Variants in SLCO6A1 observed in about 807,000 individuals in gnomAD.
The protein encoded by SLCO6A1 is solute carrier organic anion transporter family member 6A1, also known as cancer/testis antigen 48.
In SLCO6A1, 65 loss-of-function variants were observed where a neutral mutation model predicts 72.7. The ratio of observed to expected loss-of-function variants is 0.89; its 90% CI spans 0.73 to 1.10. The LOEUF (loss-of-function observed/expected upper bound fraction) is 1.10, where lower values mean the gene tolerates loss of function less well. Ranked by LOEUF, SLCO6A1 falls within the 50% of genes least tolerant of loss-of-function variation. SLCO6A1 has a pLI of 0.00. For synonymous variants in SLCO6A1, 314 were observed against 298.2 expected (o/e 1.05, Z -0.55); for missense variants, 874 against 872.6 (o/e 1.00, Z -0.02).
intron 2 of SLCO6A1, among the ~76,000 whole-genome samples, chr5:102,479,568 T>G (rs1298208731): frequency 6.6e-6 from 1 of 152,130 alleles, no homozygotes; most frequent in East Asian, 1.9e-4. Flanking sequence ...TCAGGGTATA[T>G]AATCCATTGA....
chr5:102,459,602 C>T (rs532251039), intron 5 of SLCO6A1, 54 bp downstream of exon 5: 2 of 1,506,698 alleles, frequency 1.3e-6, no homozygotes, highest in South Asian at 2.7e-5. Flanking sequence ...GAATAAGAAC[C>T]ATGGTGGAAG....
At chr5:102,389,654 C>A (rs964073115) in intron 11 of SLCO6A1, among the ~76,000 whole-genome samples, 1 of 151,732 alleles carries the variant, frequency 6.6e-6, no homozygotes, top group South Asian at 2.1e-4. Flanking sequence ...GTTTAAAAAA[C>A]AATTGACTAC....
rs184212947 is a variant in SLCO6A1 at position 102,444,221 on chromosome 5, G to A, written c.1132-5460C>T. On this transcript the variant is annotated intron_variant, in intron 6 of 13. Coordinates refer to ENST00000506729, the MANE Select transcript of SLCO6A1 (RefSeq NM_173488.5). ...AAATGATGAGGAGGAAATAAAGGCA[G>A]AGGAATGTTGCAAGGAGGAAAGGGT... Among the ~76,000 whole-genome samples the A allele has an allele frequency of 8.1e-3, 1,235 of 152,304 alleles. 12 individuals are homozygous for A. The highest frequency in any genetic ancestry group is 0.015 in the Non-Finnish European group (1,006 of 68,012).
At chr5:102,447,995 T>A (rs1750209412) in intron 6 of SLCO6A1, among the ~76,000 whole-genome samples, 1 of 152,178 alleles carries the variant, frequency 6.6e-6, no homozygotes, top group Non-Finnish European at 1.5e-5. Flanking sequence ...GTAACTTTTT[T>A]ATGTGAGTGT....
At chr5:102,413,786 T>G (rs1169667396) in intron 8 of SLCO6A1, among the ~76,000 whole-genome samples, 1 of 152,158 alleles carries the variant, frequency 6.6e-6, no homozygotes, top group Non-Finnish European at 1.5e-5. Context: ...GGTCTCTTTT[T>G]AAAAAAATGT....
rs182196340 is a variant in SLCO6A1 at position 102,491,558 on chromosome 5, C to T, written c.358+6929G>A. 3.8e-3 allele frequency among the ~76,000 whole-genome samples: 574 copies of T among 152,344 alleles called. 14 individuals carry two copies. Among genetic ancestry groups the T allele is most frequent in the Admixed American group, 0.033 (500 of 15,302 alleles). ...CCACAGGGAGGCAGCTAAGGCCCCGCGAGAAATTGAACACAACAGCTGCTG... is the reference window on the plus strand; with the variant it reads ...CCACAGGGAGGCAGCTAAGGCCCCGTGAGAAATTGAACACAACAGCTGCTG... On this transcript the variant is annotated intron_variant, in intron 1 of 13. Transcript: ENST00000506729.
intron 6 of SLCO6A1, among the ~76,000 whole-genome samples, chr5:102,454,432 A>G (rs1233795056): frequency 6.6e-6 from 1 of 152,162 alleles, no homozygotes; most frequent in Non-Finnish European, 1.5e-5. Flanking sequence ...TGCCAGTTTT[A>G]CCACCACATT....
intron 1 of SLCO6A1, among the ~76,000 whole-genome samples, chr5:102,496,908 C>T (rs1315512337): frequency 6.6e-6 from 1 of 152,204 alleles, no homozygotes; most frequent in Non-Finnish European, 1.5e-5. Context: ...TCTTTAATTT[C>T]ATTCTGGCTT....
At chr5:102,388,343 A>ATTTTTTTATTTTTTG (rs1484369640) in intron 12 of SLCO6A1, among the ~76,000 whole-genome samples, 1 of 151,450 alleles carries the variant, frequency 6.6e-6, no homozygotes, top group South Asian at 2.1e-4. Flanking sequence ...TTATTTTTTT[A>ATTTTTTTATTTTTTG]TTTTTTGTTT....
intron 10 of SLCO6A1, among the ~76,000 whole-genome samples, chr5:102,395,960 G>C (rs1056650429): frequency 1.1e-4 from 17 of 152,058 alleles, no homozygotes; most frequent in Non-Finnish European, 2.2e-4. Flanking sequence ...CAGATGAGTA[G>C]ATTGCAAAAA....
chr5:102,402,706 A>C (rs902438463), intron 9 of SLCO6A1, among the ~76,000 whole-genome samples: 3 of 152,192 alleles, frequency 2.0e-5, no homozygotes, highest in Non-Finnish European at 2.9e-5. Flanking sequence ...CTGCTCCTGC[A>C]ATAATGACAT....
chr5:102,414,929 A>T (rs150150490), intron 8 of SLCO6A1, among the ~76,000 whole-genome samples: 8,283 of 89,812 alleles, frequency 0.092, 259 homozygotes, highest in East Asian at 0.14. Flanking sequence ...ATAAATAAAT[A>T]AATAAATAAA....
At position 102,399,734 on chromosome 5, in the gene SLCO6A1, G is replaced by A; in HGVS notation, c.1635C>T (p.Tyr545=). 2 of 1,571,514 alleles carry A rather than the reference G, an allele frequency of 1.3e-6. No individual in the cohort carries two copies. Among genetic ancestry groups the A allele is most frequent in the Non-Finnish European group, 1.7e-6 (2 of 1,154,604 alleles). The change falls in exon 10 of 14, where the codon TAC becomes TAT. Residue 545 remains tyrosine, a synonymous_variant. Transcript: ENST00000506729. ...SKAQNQKKMY[Y]NCSCIKEGLI... The stretch of plus-strand genomic sequence containing the variant: ...ATCCTTCTTTAATGCAAGAACAATT[G>A]TAGTACATCTGTGAGTATTGAAGAC...
At chr5:102,498,064 C>T (rs1246722125) in intron 1 of SLCO6A1, among the ~76,000 whole-genome samples, 3 of 152,166 alleles carry the variant, frequency 2.0e-5, no homozygotes, top group Non-Finnish European at 4.4e-5. Flanking sequence ...GAAAACCTGA[C>T]TTCAACCACA....
intron 9 of SLCO6A1, among the ~76,000 whole-genome samples, chr5:102,406,492 C>A (rs1451587366): frequency 6.6e-6 from 1 of 151,390 alleles, no homozygotes; most frequent in Non-Finnish European, 1.5e-5. Context: ...GACAATTATA[C>A]AATTATATTA....
At chr5:102,449,370 C>A (rs968823232) in intron 6 of SLCO6A1, among the ~76,000 whole-genome samples, 65 of 144,928 alleles carry the variant, frequency 4.5e-4, no homozygotes, top group African/African-American at 1.6e-3. Flanking sequence ...TAATATCTCA[C>A]AAGGGTACTT....
chr5:102,414,757 T>C (rs904183624), intron 8 of SLCO6A1, among the ~76,000 whole-genome samples: 19 of 151,866 alleles, frequency 1.3e-4, no homozygotes, highest in Admixed American at 2.6e-4. Context: ...TAGCCAGGCG[T>C]AGTGGCATGC....
chr5:102,431,187 T>A (rs992597416), intron 7 of SLCO6A1, among the ~76,000 whole-genome samples: 3 of 152,092 alleles, frequency 2.0e-5, no homozygotes, highest in African/African-American at 7.2e-5. Flanking sequence ...TTCTCTCTTA[T>A]TAATTTTTCA....
intron 6 of SLCO6A1, among the ~76,000 whole-genome samples, chr5:102,442,900 A>G (rs1749918926): frequency 6.6e-6 from 1 of 152,020 alleles, no homozygotes. Flanking sequence ...CGTCTCTACT[A>G]AAAATACAAA....
Sources: allele counts gnomAD v4.1 joint callset (sites outside exome capture counted in the v4.1 genomes callset), GRCh38; gene constraint gnomAD v4.1.1; transcripts MANE v1.5; gene names NCBI Gene and HGNC (gene_info 2026-07-23, HGNC 2026-07-21).